Variants in IFNGR1 observed in about 807,000 individuals in gnomAD.
IFNGR1 encodes the protein AVP, type 2.
In IFNGR1, 23 loss-of-function variants were observed where a neutral mutation model predicts 35.4. The ratio of observed to expected loss-of-function variants is 0.65; its 90% CI spans 0.47 to 0.92. The LOEUF (loss-of-function observed/expected upper bound fraction) is 0.92. IFNGR1 is among the 40% of genes least tolerant of loss of function. The pLI is 0.00. For synonymous variants in IFNGR1, 199 were observed against 209.5 expected (o/e 0.95, Z 0.43); for missense variants, 533 against 583.4 (o/e 0.91, Z 0.89).
intron 5 of IFNGR1, among the ~76,000 whole-genome samples, chr6:137,202,042 G>A (rs755366059): frequency 3.3e-5 from 5 of 151,532 alleles, no homozygotes; most frequent in Admixed American, 2.0e-4. Context: ...GACAATGTCC[G>A]GCATCCTTTA....
Position 137,198,381 on chromosome 6 carries a change from T to C in IFNGR1, c.1120A>G (p.Ile374Val), listed in dbSNP as rs963564493. The C allele has an allele frequency of 9.9e-6, 16 of 1,614,178 alleles. No individual in the cohort carries two copies. The highest frequency in any genetic ancestry group is 1.6e-4 in the Middle Eastern group (1 of 6,062). Reference sequence around the variant, plus strand: ...AAAGGTGAAGAACTCTCTCTCTCTATTGGAGTCAGATGGCTGCCCGGGACC... The same window carrying C: ...AAAGGTGAAGAACTCTCTCTCTCTACTGGAGTCAGATGGCTGCCCGGGACC... ...DVVPGSHLTP[I>V]ERESSSPLSS... Residue 374 changes from isoleucine (I) to valine (V), a missense_variant, in exon 7 of 7, where the codon ATA (isoleucine) becomes GTA (valine). Ile to Val is a conservative substitution (Grantham distance 29, BLOSUM62 3). Coordinates refer to ENST00000367739, the MANE Select transcript of IFNGR1 (RefSeq NM_000416.3).
At chr6:137,217,309 T>C (rs1464375087) in intron 1 of IFNGR1, among the ~76,000 whole-genome samples, 2 of 152,224 alleles carry the variant, frequency 1.3e-5, no homozygotes, top group African/African-American at 4.8e-5. Flanking sequence ...CCTTTGTAAT[T>C]GATAATCCAA....
At chr6:137,218,223 T>C (rs1779753594) in intron 1 of IFNGR1, among the ~76,000 whole-genome samples, 1 of 152,172 alleles carries the variant, frequency 6.6e-6, no homozygotes. Context: ...CAGAAGATTG[T>C]TGTGAACACA....
At position 137,200,445 on chromosome 6, in the gene IFNGR1, C is replaced by G. The variant is rs950674440; in HGVS notation, c.861+436G>C. Reference sequence around the variant, plus strand: ...CTTTCAAAGTCATGCTTTCTTGGCTCTGGACCTCAGCACATTCTGTCCCCT... The same window carrying G: ...CTTTCAAAGTCATGCTTTCTTGGCTGTGGACCTCAGCACATTCTGTCCCCT... On this transcript the variant is annotated intron_variant, in intron 6 of 6. Coordinates refer to ENST00000367739, the MANE Select transcript of IFNGR1 (RefSeq NM_000416.3). Among the ~76,000 whole-genome samples the G allele has an allele frequency of 5.3e-5, 8 of 152,168 alleles. No individual in the cohort carries two copies. In the East Asian group the frequency reaches 1.5e-3, roughly 29 times the overall value.
intron 1 of IFNGR1, among the ~76,000 whole-genome samples, chr6:137,214,570 G>C (rs1465695567): frequency 6.6e-6 from 1 of 152,092 alleles, no homozygotes; most frequent in East Asian, 1.9e-4. Context: ...TTTTTCCCTC[G>C]CACCACCACC....
At chr6:137,206,844 T>C (rs553629641) in intron 2 of IFNGR1, 119 bp downstream of exon 2, 3 of 758,958 alleles carry the variant, frequency 4.0e-6, no homozygotes, top group Non-Finnish European at 6.7e-6. Context: ...TTTGGACCTC[T>C]ATAAGCAGTT....
In IFNGR1 at chr6:137,206,194, C is replaced by T. The variant is rs1402033609; in HGVS notation, c.315G>A (p.Arg105=). The part of the protein sequence containing the change: ...SNSLWVRVKA[R]VGQKESAYAK... Reference sequence around the variant, plus strand: ...CATAGGCAGATTCTTTTTGTCCAACCCTGGCTTTAACTCTGACCCAAAGAG... The same window carrying T: ...CATAGGCAGATTCTTTTTGTCCAACTCTGGCTTTAACTCTGACCCAAAGAG... Residue 105 remains arginine, a synonymous_variant, in exon 3 of 7, where the codon AGG becomes AGA. Transcript: ENST00000367739. 3.1e-6 allele frequency: 5 copies of T among 1,614,024 alleles called. No homozygotes were observed. The highest frequency in any genetic ancestry group is 3.3e-5 in the Admixed American group (2 of 60,016).
intron 1 of IFNGR1, among the ~76,000 whole-genome samples, chr6:137,214,585 T>C (rs1779648199): frequency 6.6e-6 from 1 of 152,222 alleles, no homozygotes; most frequent in South Asian, 2.1e-4. Flanking sequence ...ACCACCAAGT[T>C]GGGGCTTATC....
At position 137,203,543 on chromosome 6, in the gene IFNGR1, T is replaced by C. The variant is rs1562285234; in HGVS notation, c.689A>G (p.Lys230Arg). The part of the protein sequence containing the change: ...VLHVWGVTTE[K>R]SKEVCITIFN... Reference sequence around the variant, plus strand: ...AATGGTAATACAAACTTCTTTTGACTTTTCAGTTGTAACACCCCACACATG... The same window carrying C: ...AATGGTAATACAAACTTCTTTTGACCTTTCAGTTGTAACACCCCACACATG... The change falls in exon 5 of 7, where the codon AAG becomes AGG. Residue 230 changes from lysine to arginine, a missense_variant. Physicochemically the swap from Lys to Arg is conservative, Grantham distance 26. Transcript: ENST00000367739. 3 of 1,613,088 alleles carry C rather than the reference T, an allele frequency of 1.9e-6. No homozygotes were observed. The highest frequency in any genetic ancestry group is 2.2e-5 in the East Asian group (1 of 44,846).
In IFNGR1 at chr6:137,198,341, G is replaced by T; in HGVS notation, c.1160C>A (p.Ser387Tyr). 1.2e-6 allele frequency: 2 copies of T among 1,614,152 alleles called. No homozygotes were observed. Among genetic ancestry groups the T allele is most frequent in the South Asian group, 1.1e-5 (1 of 91,078 alleles). The change falls in exon 7 of 7, where the codon TCT becomes TAT. Residue 387 changes from serine (S) to tyrosine (Y), a missense_variant. Transcript: ENST00000367739. ...GTTTAAAGCGATGCTGCCAGGTTCAGACTGGTTACTACTTAAAGGTGAAGA... is the reference window on the plus strand; with the variant it reads ...GTTTAAAGCGATGCTGCCAGGTTCATACTGGTTACTACTTAAAGGTGAAGA... ...ESSSPLSSNQ[S>Y]EPGSIALNSY...
Position 137,207,120 on chromosome 6 carries a change from TA to T in IFNGR1, c.86-44del, listed in dbSNP as rs758999421. On this transcript the variant is annotated intron_variant, in intron 1 of 6. Transcript: ENST00000367739. Reference sequence around the variant, plus strand: ...AGTAAAAGGGACAATTGTAAGAAACTAACATTAATATTGGAAAGCCTTATTG... The same window carrying T: ...AGTAAAAGGGACAATTGTAAGAAACTACATTAATATTGGAAAGCCTTATTG... 3.7e-6 allele frequency: 6 copies of T among 1,608,108 alleles called. No individual in the cohort carries two copies. In the Admixed American group the frequency reaches 1.0e-4, roughly 27 times the overall value.
At chr6:137,201,590 T>C (rs1011993308) in intron 5 of IFNGR1, among the ~76,000 whole-genome samples, 1 of 152,112 alleles carries the variant, frequency 6.6e-6, no homozygotes, top group Non-Finnish European at 1.5e-5. Flanking sequence ...GGAGAATCGC[T>C]TGGACCTGGG....
chr6:137,201,855 T>G (rs1343078644), intron 5 of IFNGR1, among the ~76,000 whole-genome samples: 1 of 152,214 alleles, frequency 6.6e-6, no homozygotes, highest in African/African-American at 2.4e-5. Context: ...GTCCCCTTAG[T>G]TATAAACCAG....
At chr6:137,201,248 T>C (rs559074043) in intron 5 of IFNGR1, among the ~76,000 whole-genome samples, 6 of 152,364 alleles carry the variant, frequency 3.9e-5, no homozygotes, top group Non-Finnish European at 5.9e-5. Flanking sequence ...TATTCTACTA[T>C]GACACAACAT....
rs1779426646 is a variant in IFNGR1, at chr6:137,206,297, GAATTCTT to G, written c.205_211del (p.Lys69GlnfsTer72). The stretch of plus-strand genomic sequence containing the variant: ...ATTGATGCAGGCATCAATCCATTCT[GAATTCTT>G]AACACTAAAAAGAATAAAAAAATGC... On this transcript the variant is annotated frameshift_variant, in exon 3 of 7. Transcript: ENST00000367739. LOFTEE classifies it high-confidence loss of function. 6.2e-7 allele frequency: 1 copy of G among 1,600,824 alleles called. No individual in the cohort carries two copies. The highest frequency in any genetic ancestry group is 8.6e-7 in the Non-Finnish European group (1 of 1,168,182).
chr6:137,212,170 C>T (rs1018140479), intron 1 of IFNGR1, among the ~76,000 whole-genome samples: 6 of 152,224 alleles, frequency 3.9e-5, no homozygotes, highest in African/African-American at 1.2e-4. Flanking sequence ...CTGAAGGCTA[C>T]AGTGTCACTC....
chr6:137,200,028 G>A (rs1425696915), intron 6 of IFNGR1, among the ~76,000 whole-genome samples: 1 of 151,984 alleles, frequency 6.6e-6, no homozygotes, highest in Admixed American at 6.5e-5. Flanking sequence ...GCATTTACCC[G>A]TTATGCTACT....
rs1242424639 is a variant in IFNGR1, at chr6:137,207,054, T to C, written c.109A>G (p.Ile37Val). 2.5e-6 allele frequency: 4 copies of C among 1,613,994 alleles called. No individual in the cohort carries two copies. Among genetic ancestry groups the C allele is most frequent in the Admixed American group, 1.7e-5 (1 of 60,024 alleles). ...SSVPTPTNVT[I>V]ESYNMNPIVY... ...ATAGGGTTCATGTTATAGGATTCAA[T>C]TGTAACATTAGTTGGTGTAGGCACT... Residue 37 changes from isoleucine to valine, a missense_variant, in exon 2 of 7, where the codon ATT becomes GTT. Transcript: ENST00000367739.
Position 137,207,017 on chromosome 6 carries a change from T to A in IFNGR1, c.146A>T (p.Glu49Val). 1 of 1,613,912 alleles carries A rather than the reference T, an allele frequency of 6.2e-7. No homozygotes were observed. Residue 49 changes from glutamate to valine, a missense_variant, in exon 2 of 7, where the codon GAG becomes GTG. By Grantham distance (121) the Glu-to-Val change is moderately radical. Coordinates refer to ENST00000367739, the MANE Select transcript of IFNGR1 (RefSeq NM_000416.3). ...AGGGACCTGTGGCATGATCTGGTACTCCCAATATACGATAGGGTTCATGTT... is the reference window on the plus strand; with the variant it reads ...AGGGACCTGTGGCATGATCTGGTACACCCAATATACGATAGGGTTCATGTT... ...SYNMNPIVYW[E>V]YQIMPQVPVF... is the part of the protein sequence containing the mutation.
Sources: gnomAD v4.1 joint callset for allele counts (sites outside exome capture counted in the v4.1 genomes callset) on GRCh38, gnomAD v4.1.1 for gene constraint, MANE v1.5 for transcripts, NCBI Gene and HGNC (gene_info 2026-07-23, HGNC 2026-07-21) for gene names.